PTPRG: variants seen among roughly 807,000 people sequenced by gnomAD.
PTPRG encodes the protein receptor-type tyrosine-protein phosphatase gamma.
In PTPRG, 102 loss-of-function variants were observed where a neutral mutation model predicts 165.3. The observed-to-expected ratio is 0.62, with a 90% confidence interval of 0.53 to 0.73. The LOEUF is 0.73. PTPRG is among the 30% of genes least tolerant of loss of function. The pLI is 0.00. For missense variants in PTPRG, 1,866 were observed against 1,861.4 expected, an observed-to-expected ratio of 1.00 and a Z score of -0.05; for synonymous variants, 675 against 669.5, an observed-to-expected ratio of 1.01 and a Z score of -0.13.
chr3:62,036,211 T>C (rs1345076731), intron 4 of PTPRG, among the ~76,000 whole-genome samples: 1 of 152,188 alleles, frequency 6.6e-6, no homozygotes, highest in Admixed American at 6.5e-5. Context: ...TGTTGGGGGT[T>C]GTGGGTTACA....
At position 61,600,176 on chromosome 3, in the gene PTPRG, AT is replaced by A. The variant is rs1700817932; in HGVS notation, c.85+37805del. Among the ~76,000 whole-genome samples, 457 of 85,656 alleles carry A rather than the reference AT, an allele frequency of 5.3e-3. 1 individual carries two copies. The highest frequency in any genetic ancestry group is 8.1e-3 in the South Asian group (21 of 2,590). The allele number at this position is 85,656 out of a possible 152,430, so 56.2% of individuals were successfully genotyped here. On this transcript the variant is annotated intron_variant, in intron 1 of 29. Coordinates refer to ENST00000474889, the MANE Select transcript of PTPRG (RefSeq NM_002841.4). ...CATTGTCTCAAAAAAAAAAAAAAAT[AT>A]ATATATATATATATATGTGTGTGTG...
At chr3:62,231,695 C>A (rs972577431) in intron 14 of PTPRG, among the ~76,000 whole-genome samples, 1 of 151,784 alleles carries the variant, frequency 6.6e-6, no homozygotes. Flanking sequence ...ATGCATATAG[C>A]CTTATGTGAA....
intron 26 of PTPRG, 26 bp from the exon 27 acceptor site, chr3:62,281,537 G>GTTTTTTTTTTTTTTTTTTTTTT (rs778994257): frequency 1.1e-4 from 20 of 175,018 alleles, no homozygotes; most frequent in Middle Eastern, 1.0e-3. Flanking sequence ...AACTGCAGAG[G>GTTTTTTTTTTTTTTTTTTTTTT]CTTTTTTTTT....
In PTPRG at chr3:62,003,429, C is replaced by G; in HGVS notation, c.451C>G (p.His151Asp). ...GRFKAEKVEF[H>D]WGHSNGSAGS... Reference sequence around the variant, plus strand: ...ATTCAAAGCTGAGAAGGTGGAATTTCACTGGGGCCACAGCAATGGCTCAGC... The same window carrying G: ...ATTCAAAGCTGAGAAGGTGGAATTTGACTGGGGCCACAGCAATGGCTCAGC... Residue 151 changes from histidine (H) to aspartate (D), a missense_variant, in exon 4 of 30, where the codon CAC (histidine) becomes GAC (aspartate). This residue lies in a region of PTPRG where 408 missense variants were observed against 376.2 expected (regional missense o/e 1.08). Coordinates refer to ENST00000474889, the MANE Select transcript of PTPRG (RefSeq NM_002841.4). 6.2e-7 allele frequency: 1 copy of G among 1,614,010 alleles called. No individual in the cohort carries two copies. The highest frequency in any genetic ancestry group is 8.5e-7 in the Non-Finnish European group (1 of 1,179,954).
chr3:62,203,567 G>C lies in PTPRG; in HGVS notation c.1772G>C (p.Gly591Ala). 1 of 1,552,708 alleles carries C rather than the reference G, an allele frequency of 6.4e-7. No individual in the cohort carries two copies. Among genetic ancestry groups the C allele is most frequent in the Non-Finnish European group, 8.7e-7 (1 of 1,147,448 alleles). ...GATGAGAAAAGCGAGAGTGAGGATG[G>C]GGAGCGGGAGCACGAGGAGGATGGA... ...EKDEKSESED[G>A]EREHEEDGEK... The change falls in exon 12 of 30, where the codon GGG becomes GCG. Residue 591 changes from glycine to alanine, a missense_variant. Physicochemically the swap from Gly to Ala is moderately conservative, Grantham distance 60. This residue lies in a region of PTPRG where 1,452 missense variants were observed against 1,463.0 expected (regional missense o/e 0.99). Transcript: ENST00000474889. The surrounding 1 kb of genome is among the most constrained non-coding windows in gnomAD (Gnocchi z 6.4).
chr3:61,880,979 T>C (rs2037873613), intron 2 of PTPRG, among the ~76,000 whole-genome samples: 2 of 152,006 alleles, frequency 1.3e-5, no homozygotes, highest in South Asian at 4.2e-4. Context: ...TAAATTTTGT[T>C]ATAGCCCCTA....
At chr3:61,688,085 C>T (rs1703696203) in intron 1 of PTPRG, among the ~76,000 whole-genome samples, 3 of 152,218 alleles carry the variant, frequency 2.0e-5, no homozygotes, top group Admixed American at 6.5e-5. Context: ...GCTGACATCA[C>T]TTTCATGACC....
intron 4 of PTPRG, among the ~76,000 whole-genome samples, chr3:62,044,396 G>A (rs911709368): frequency 3.3e-5 from 5 of 152,052 alleles, no homozygotes; most frequent in East Asian, 3.9e-4. Flanking sequence ...AAAATTAGCC[G>A]GGCATGGTGG....
At chr3:61,994,786 C>T (rs960452297) in intron 3 of PTPRG, among the ~76,000 whole-genome samples, 7 of 152,182 alleles carry the variant, frequency 4.6e-5, no homozygotes, top group African/African-American at 1.7e-4. Context: ...TGCTATTTCC[C>T]TGACTGAGCT....
chr3:61,974,813 C>T (rs1264164683), intron 2 of PTPRG, among the ~76,000 whole-genome samples: 1 of 152,164 alleles, frequency 6.6e-6, no homozygotes, highest in East Asian at 1.9e-4. Flanking sequence ...TCTGTTCTCA[C>T]CAGTGCATGT....
intron 1 of PTPRG, among the ~76,000 whole-genome samples, chr3:61,601,269 G>A (rs9823898): frequency 0.12 from 17,696 of 152,114 alleles, 1,153 homozygotes; most frequent in African/African-American, 0.17. Flanking sequence ...AAGCAAAACA[G>A]AGCAAAACAA....
intron 2 of PTPRG, among the ~76,000 whole-genome samples, chr3:61,816,959 A>G (rs770932822): frequency 6.3e-5 from 9 of 141,874 alleles, no homozygotes; most frequent in Non-Finnish European, 1.4e-4. Context: ...AGTACCTGAG[A>G]GTTTCAGTAA....
chr3:62,178,332 C>T (rs1559608726), intron 8 of PTPRG, among the ~76,000 whole-genome samples: 2 of 152,074 alleles, frequency 1.3e-5, no homozygotes, highest in Non-Finnish European at 2.9e-5. Flanking sequence ...ATCAGGTGGC[C>T]AGGAATAAAA....
At chr3:61,614,502 G>T (rs1301743932) in intron 1 of PTPRG, among the ~76,000 whole-genome samples, 1 of 139,036 alleles carries the variant, frequency 7.2e-6, no homozygotes, top group Non-Finnish European at 1.5e-5. Flanking sequence ...CTCTGCTTCT[G>T]GGGCTCAAGT....
intron 1 of PTPRG, among the ~76,000 whole-genome samples, chr3:61,695,554 C>T (rs947300253): frequency 6.6e-6 from 1 of 152,172 alleles, no homozygotes; most frequent in South Asian, 2.1e-4. Flanking sequence ...ATATCCAGTC[C>T]CTTGCAGGGT....
chr3:61,718,506 C>T (rs1010744904), intron 1 of PTPRG, among the ~76,000 whole-genome samples: 21 of 152,012 alleles, frequency 1.4e-4, no homozygotes, highest in African/African-American at 5.1e-4. Context: ...TGTGACCATC[C>T]GTTAGTTTTA....
chr3:62,048,599 C>T (rs1288978526), intron 4 of PTPRG, among the ~76,000 whole-genome samples: 1 of 152,240 alleles, frequency 6.6e-6, no homozygotes. Flanking sequence ...TCTCTTCTTA[C>T]TACCTTTTTA....
intron 4 of PTPRG, among the ~76,000 whole-genome samples, chr3:62,053,131 A>C (rs1700516749): frequency 6.6e-6 from 1 of 151,970 alleles, no homozygotes; most frequent in Non-Finnish European, 1.5e-5. Context: ...GATACATCAA[A>C]CTCTTGACAG....
chr3:62,129,780 C>T (rs1576039547), intron 5 of PTPRG, among the ~76,000 whole-genome samples: 2 of 152,284 alleles, frequency 1.3e-5, no homozygotes, highest in East Asian at 3.9e-4. Flanking sequence ...AATATTCCCT[C>T]TCATTCAGGA....
Sources: allele counts gnomAD v4.1 joint callset (sites outside exome capture counted in the v4.1 genomes callset), GRCh38; gene constraint gnomAD v4.1.1; regional missense constraint gnomAD v4.1.1; non-coding constraint Gnocchi (gnomAD v3.1); transcripts MANE v1.5; gene names NCBI Gene and HGNC (gene_info 2026-07-23, HGNC 2026-07-21).